SLC25A14: variants seen among roughly 807,000 people sequenced by gnomAD.
The protein encoded by SLC25A14 is brain mitochondrial carrier protein 1.
SLC25A14 carries 8 observed loss-of-function variants against 28.1 expected under a neutral mutation model. That is an observed-to-expected ratio of 0.28 (90% CI 0.17 to 0.51). SLC25A14 has a LOEUF of 0.51. Among genes scored for constraint, SLC25A14 ranks in the 20% least tolerant of loss-of-function variants. The pLI, the probability that SLC25A14 is intolerant of heterozygous loss-of-function variation, is 0.97. For synonymous variants in SLC25A14, 74 were observed against 90.6 expected (o/e 0.82, Z 1.04); for missense variants, 135 against 263.8 (o/e 0.51, Z 3.38).
At chrX:130,355,534 C>G (rs1054456614) in intron 6 of SLC25A14, among the ~76,000 whole-genome samples, 2 of 111,743 alleles carry the variant, frequency 1.8e-5, no homozygotes, top group African/African-American at 6.5e-5. Context: ...CAGACATTGT[C>G]ATTTTCCCCC....
Position 130,340,569 on chromosome X carries a change from CTTG to C in SLC25A14, c.75+228_75+230del, listed in dbSNP as rs539018369. 4.9e-3 allele frequency among the ~76,000 whole-genome samples: 548 copies of C among 111,368 alleles called. 3 individuals are homozygous for C. Among genetic ancestry groups the C allele is most frequent in the Non-Finnish European group, 8.1e-3 (427 of 52,928 alleles). ...ATTTATGGTTTCCTGTCAGTGATTCCTTGTTGTTGTTGTTTTTCCCCCCAGCCT... is the reference window on the plus strand; with the variant it reads ...ATTTATGGTTTCCTGTCAGTGATTCCTTGTTGTTGTTTTTCCCCCCAGCCT... On this transcript the variant is annotated intron_variant, in intron 2 of 10. Coordinates refer to ENST00000545805, the MANE Select transcript of SLC25A14 (RefSeq NM_001282195.2).
Position 130,340,191 on chromosome X carries a change from A to C in SLC25A14, c.-88A>C. 3 of 1,180,396 alleles carry C rather than the reference A, an allele frequency of 2.5e-6. No homozygotes were observed. Among genetic ancestry groups the C allele is most frequent in the Non-Finnish European group, 3.4e-6 (3 of 882,916 alleles). ...ACCCTGCTTCCTCGACCCCCCTGGGAGGCCGCCTTCTTCAGGCGCCTCCCT... is the reference window on the plus strand; with the variant it reads ...ACCCTGCTTCCTCGACCCCCCTGGGCGGCCGCCTTCTTCAGGCGCCTCCCT... On this transcript the variant is annotated 5_prime_UTR_variant, in exon 2 of 11. Coordinates refer to ENST00000545805, the MANE Select transcript of SLC25A14 (RefSeq NM_001282195.2).
intron 6 of SLC25A14, among the ~76,000 whole-genome samples, chrX:130,356,471 C>T (rs1377328808): frequency 3.6e-5 from 4 of 110,455 alleles, no homozygotes; most frequent in Admixed American, 9.6e-5. Context: ...TCAGGTGATC[C>T]GCCCACCTCG....
At chrX:130,342,873 GA>G (rs757414164) in intron 2 of SLC25A14, among the ~76,000 whole-genome samples, 1,368 of 95,742 alleles carry the variant, frequency 0.014, 18 homozygotes, top group African/African-American at 0.041. Context: ...ACATTTAGCT[GA>G]AAAAAAAAAA....
At chrX:130,344,961 G>C (rs962219061) in intron 2 of SLC25A14, among the ~76,000 whole-genome samples, 1 of 111,609 alleles carries the variant, frequency 9.0e-6, no homozygotes, top group Non-Finnish European at 1.9e-5. Context: ...GTTGATCTCT[G>C]AGTGAATCAC....
rs2034307235 is a variant in SLC25A14, at chrX:130,373,261, G to T, written c.*311G>T. ...AAATGTGGTTAAATGTAATTGGTTA[G>T]CCCCAGACTTGGGCTAGAGCAGAAG... On this transcript the variant is annotated 3_prime_UTR_variant, in exon 11 of 11. Transcript: ENST00000545805. 1 of 250,110 alleles carries T rather than the reference G, an allele frequency of 4.0e-6. No homozygotes were observed. Among genetic ancestry groups the T allele is most frequent in the African/African-American group, 2.8e-5 (1 of 35,165 alleles). 20.6% of individuals were successfully genotyped at this position (250,110 alleles called of 1,213,427 possible).
At chrX:130,367,315 G>A (rs5977247) in intron 9 of SLC25A14, among the ~76,000 whole-genome samples, 44,301 of 110,284 alleles carry the variant, frequency 0.4, 6,530 homozygotes, top group Non-Finnish European at 0.44. Flanking sequence ...GGATGTGGAG[G>A]GGTGTGGGAG....
chrX:130,348,075 T>C (rs896296750), intron 4 of SLC25A14, among the ~76,000 whole-genome samples: 12 of 111,449 alleles, frequency 1.1e-4, no homozygotes, highest in African/African-American at 3.6e-4. Flanking sequence ...TTATAAACAA[T>C]CGGAATTTAT....
chrX:130,346,350 C>T (rs1301053672), intron 3 of SLC25A14, among the ~76,000 whole-genome samples, 194 bp from the exon 4 acceptor site: 1 of 111,538 alleles, frequency 9.0e-6, no homozygotes, highest in African/African-American at 3.3e-5. Context: ...TTGGTGCTGC[C>T]TATGTATAGT....
rs1485938396 is a variant in SLC25A14, at chrX:130,369,190, G to A, written c.856-2374G>A. ...TTGCATCCTGTAGTCTTAGCTACTC[G>A]GGAGGATCGCTTGAGCCAGAGTTTG... On this transcript the variant is annotated intron_variant, in intron 9 of 10. Transcript: ENST00000545805. Among the ~76,000 whole-genome samples, 12 of 111,084 alleles carry A rather than the reference G, an allele frequency of 1.1e-4. No homozygotes were observed. In the Admixed American group the frequency reaches 1.2e-3, roughly 11 times the overall value.
In SLC25A14 at chrX:130,370,200, T is replaced by A. The variant is rs57173647; in HGVS notation, c.856-1364T>A. ...CACTATATCTTCATAAATATTGTGCTTATTATTTTACTGTTTGTTCCCAAA... is the reference window on the plus strand; with the variant it reads ...CACTATATCTTCATAAATATTGTGCATATTATTTTACTGTTTGTTCCCAAA... On this transcript the variant is annotated intron_variant, in intron 9 of 10. Coordinates refer to ENST00000545805, the MANE Select transcript of SLC25A14 (RefSeq NM_001282195.2). Among the ~76,000 whole-genome samples the A allele has an allele frequency of 7.2e-3, 811 of 112,332 alleles. 13 individuals are homozygous for A. The highest frequency in any genetic ancestry group is 0.025 in the African/African-American group (770 of 30,950).
intron 8 of SLC25A14, chrX:130,365,332 T>A: frequency 1.0e-6 from 1 of 986,897 alleles, no homozygotes; most frequent in East Asian, 4.0e-5. Flanking sequence ...AAAAAAAGGC[T>A]GAGTTTCAGA....
chrX:130,353,387 C>T (rs2033680158), intron 6 of SLC25A14, among the ~76,000 whole-genome samples: 1 of 111,467 alleles, frequency 9.0e-6, no homozygotes, highest in Admixed American at 9.5e-5. Flanking sequence ...TTTTCCAGAC[C>T]AGACCAGTAT....
At chrX:130,366,115 A>C (rs190119803) in intron 9 of SLC25A14, among the ~76,000 whole-genome samples, 17 of 112,621 alleles carry the variant, frequency 1.5e-4, no homozygotes, top group African/African-American at 5.5e-4. Flanking sequence ...ATATTCTAAA[A>C]GTATTACATC....
chrX:130,364,484 A>G (rs888556683), intron 7 of SLC25A14, 144 bp from the exon 8 acceptor site: 5 of 341,769 alleles, frequency 1.5e-5, no homozygotes, highest in Non-Finnish European at 2.6e-5. Flanking sequence ...ATGTTCCATT[A>G]TTAGTCATTG....
chrX:130,346,625 A>G lies in SLC25A14; in HGVS notation c.251A>G (p.Tyr84Cys). The G allele has an allele frequency of 8.3e-7, 1 of 1,208,561 alleles. No homozygotes were observed. The highest frequency in any genetic ancestry group is 3.0e-5 in the East Asian group (1 of 33,839). Reference sequence around the variant, plus strand: ...GATGCCCGTTTCAAAGAGATAAAATATAGAGGGATGTTCCATGCGCTGTTT... The same window carrying G: ...GATGCCCGTTTCAAAGAGATAAAATGTAGAGGGATGTTCCATGCGCTGTTT... ...SIDARFKEIK[Y>C]RGMFHALFRI... Residue 84 changes from tyrosine to cysteine, a missense_variant, in exon 4 of 11, where the codon TAT (tyrosine) becomes TGT (cysteine). By Grantham distance (194) the Tyr-to-Cys change is radical. Coordinates refer to ENST00000545805, the MANE Select transcript of SLC25A14 (RefSeq NM_001282195.2).
At chrX:130,353,460 A>G (rs1361223257) in intron 6 of SLC25A14, among the ~76,000 whole-genome samples, 8 of 111,839 alleles carry the variant, frequency 7.2e-5, no homozygotes, top group African/African-American at 2.6e-4. Context: ...TGAACCAGAA[A>G]GGGTAGGATG....
At chrX:130,347,139 A>G (rs1221734781) in intron 4 of SLC25A14, among the ~76,000 whole-genome samples, 1 of 111,301 alleles carries the variant, frequency 9.0e-6, no homozygotes, top group African/African-American at 3.3e-5. Context: ...GATTAGCCAT[A>G]ATTTTGTGGT....
chrX:130,349,156 G>T, intron 4 of SLC25A14, 95 bp from the exon 5 acceptor site: 2 of 361,110 alleles, frequency 5.5e-6, no homozygotes, highest in Non-Finnish European at 9.5e-6. Flanking sequence ...TGCTGTTGTT[G>T]GGTAGAATGA....
Sources: gnomAD v4.1 joint callset for allele counts (sites outside exome capture counted in the v4.1 genomes callset) on GRCh38, gnomAD v4.1.1 for gene constraint, MANE v1.5 for transcripts, NCBI Gene and HGNC (gene_info 2026-07-23, HGNC 2026-07-21) for gene names.